BTLA: variants seen among roughly 807,000 people sequenced by gnomAD.
The protein encoded by BTLA is B and T lymphocyte associated.
BTLA carries 11 observed loss-of-function variants against 25.0 expected under a neutral mutation model. The ratio of observed to expected loss-of-function variants is 0.44; its 90% CI spans 0.28 to 0.73. The LOEUF is 0.73. Ranked by LOEUF, BTLA falls within the 30% of genes least tolerant of loss-of-function variation. The pLI, the probability that BTLA is intolerant of heterozygous loss-of-function variation, is 0.15. For missense variants in BTLA, 282 were observed against 332.8 expected (o/e 0.85, Z 1.19); for synonymous variants, 104 against 119.8 (o/e 0.87, Z 0.86).
At chr3:112,481,346 T>C (rs1184685704) in intron 1 of BTLA, among the ~76,000 whole-genome samples, 3 of 152,358 alleles carry the variant, frequency 2.0e-5, no homozygotes, top group Admixed American at 2.0e-4. Context: ...TGGAGGAAGT[T>C]GTGTTCCACA....
intron 2 of BTLA, among the ~76,000 whole-genome samples, chr3:112,479,054 A>G (rs2107320254): frequency 6.6e-6 from 1 of 152,270 alleles, no homozygotes; most frequent in Middle Eastern, 3.4e-3. Context: ...ATTGTAATGA[A>G]CAAAAGTAAA....
chr3:112,469,016 T>C (rs2082245541), intron 4 of BTLA, among the ~76,000 whole-genome samples: 1 of 152,258 alleles, frequency 6.6e-6, no homozygotes, highest in African/African-American at 2.4e-5. Context: ...ATCAAGTTCC[T>C]TTGCAGTATC....
intron 1 of BTLA, among the ~76,000 whole-genome samples, chr3:112,485,760 C>T (rs1025253916): frequency 2.0e-5 from 3 of 152,130 alleles, no homozygotes; most frequent in African/African-American, 7.2e-5. Flanking sequence ...GCATTCATAT[C>T]TGATGACAGG....
At chr3:112,478,519 T>C (rs1576682396) in intron 2 of BTLA, among the ~76,000 whole-genome samples, 1 of 152,294 alleles carries the variant, frequency 6.6e-6, no homozygotes, top group East Asian at 1.9e-4. Flanking sequence ...GCTTTAATAG[T>C]TTTAAACAAA....
intron 1 of BTLA, among the ~76,000 whole-genome samples, chr3:112,493,614 G>A (rs1289470092): frequency 6.6e-6 from 1 of 152,068 alleles, no homozygotes; most frequent in African/African-American, 2.4e-5. Context: ...AAGCAATTCT[G>A]CCTCAGCCTC....
At position 112,464,062 on chromosome 3, in the gene BTLA, T is replaced by C; in HGVS notation, c.*2046A>G. On this transcript the variant is annotated 3_prime_UTR_variant, in exon 5 of 5. Transcript: ENST00000334529. ...ACCATTAAATTATCTACATATTCTTTTTCTCAAACCCTCTATAAACTAATG... is the reference window on the plus strand; with the variant it reads ...ACCATTAAATTATCTACATATTCTTCTTCTCAAACCCTCTATAAACTAATG... The C allele has an allele frequency of 2.5e-6, 1 of 397,570 alleles. No homozygotes were observed. The highest frequency in any genetic ancestry group is 4.4e-6 in the Non-Finnish European group (1 of 225,436). The allele number at this position is 397,570 out of a possible 1,614,324, so 24.6% of individuals were successfully genotyped here. A position where few individuals can be genotyped will look rare whatever the true frequency, so the allele number is the denominator to read the frequency against.
At chr3:112,483,971 A>G (rs747124420) in intron 1 of BTLA, among the ~76,000 whole-genome samples, 3 of 112,348 alleles carry the variant, frequency 2.7e-5, no homozygotes, top group Non-Finnish European at 4.7e-5. Flanking sequence ...CTGTCTCAAA[A>G]AAAAAAAAAA....
chr3:112,481,250 C>T (rs1332402094), intron 1 of BTLA, among the ~76,000 whole-genome samples: 3 of 152,198 alleles, frequency 2.0e-5, no homozygotes, highest in African/African-American at 7.2e-5. Context: ...AGTGGCAGTC[C>T]ACTCCCATGG....
intron 4 of BTLA, among the ~76,000 whole-genome samples, chr3:112,468,883 T>A (rs2082244702): frequency 6.6e-6 from 1 of 152,184 alleles, no homozygotes; most frequent in Admixed American, 6.5e-5. Context: ...TGGTGGGGAA[T>A]GTTGAATGCC....
chr3:112,471,067 A>G, intron 3 of BTLA, 145 bp downstream of exon 3: 1 of 1,153,194 alleles, frequency 8.7e-7, no homozygotes, highest in Non-Finnish European at 1.2e-6. Flanking sequence ...TAGCGCAAAT[A>G]TGAGTTGTCT....
rs2082228040 is a variant in BTLA at position 112,466,464 on chromosome 3, G to T, written c.595-81C>A. ...TTCATTAGCAAACTATGAATGAAAA[G>T]CTTAAATGGAGTCATGTCCATTGTG... On this transcript the variant is annotated intron_variant, in intron 4 of 4. Coordinates refer to ENST00000334529, the MANE Select transcript of BTLA (RefSeq NM_181780.4). 15 of 1,304,448 alleles carry T rather than the reference G, an allele frequency of 1.1e-5. No individual in the cohort carries two copies. The South Asian group carries it at 2.4e-4, about 21-fold the overall frequency. 80.8% of individuals were successfully genotyped at this position (1,304,448 alleles called of 1,614,324 possible). A position where few individuals can be genotyped will look rare whatever the true frequency, so the allele number is the denominator to read the frequency against.
chr3:112,490,397 G>A (rs1462592786), intron 1 of BTLA, among the ~76,000 whole-genome samples: 3 of 152,152 alleles, frequency 2.0e-5, no homozygotes, highest in Non-Finnish European at 2.9e-5. Flanking sequence ...CACGAGTACA[G>A]TGAAAACTGA....
At chr3:112,469,736 T>G in intron 4 of BTLA, 22 bp downstream of exon 4, 2 of 1,603,252 alleles carry the variant, frequency 1.2e-6, no homozygotes, top group South Asian at 2.2e-5. Flanking sequence ...TGCATTTGTT[T>G]CAACAGCTAC....
In BTLA at chr3:112,483,727, G is replaced by A. The variant is rs193205221; in HGVS notation, c.89-3958C>T. On this transcript the variant is annotated intron_variant, in intron 1 of 4. Coordinates refer to ENST00000334529, the MANE Select transcript of BTLA (RefSeq NM_181780.4). ...TCACGCCTGTAATCCCAGCACTTTG[G>A]GAGGCCGAGGGAGGTGGATCACCTG... 1.5e-3 allele frequency among the ~76,000 whole-genome samples: 223 copies of A among 151,990 alleles called. 2 individuals carry two copies. The South Asian group carries it at 0.024, about 16-fold the overall frequency.
chr3:112,471,383 G>C, intron 2 of BTLA, 28 bp from the exon 3 acceptor site: 1 of 1,609,804 alleles, frequency 6.2e-7, no homozygotes, highest in Non-Finnish European at 8.5e-7. Flanking sequence ...GCTAAAGAGA[G>C]TTAGGAAATC....
intron 1 of BTLA, among the ~76,000 whole-genome samples, chr3:112,494,556 G>A (rs1017771566): frequency 1.4e-4 from 21 of 152,142 alleles, no homozygotes; most frequent in African/African-American, 3.4e-4. Flanking sequence ...CATATACACC[G>A]TGGAATACTA....
At chr3:112,494,288 A>G (rs1407915170) in intron 1 of BTLA, among the ~76,000 whole-genome samples, 1 of 152,146 alleles carries the variant, frequency 6.6e-6, no homozygotes, top group African/African-American at 2.4e-5. Context: ...GAGAATTAGG[A>G]ATGCTTTTAC....
chr3:112,473,692 G>T (rs1450962735), intron 2 of BTLA, among the ~76,000 whole-genome samples: 2 of 139,064 alleles, frequency 1.4e-5, no homozygotes, highest in African/African-American at 5.6e-5. Context: ...TCGGTTCACT[G>T]CAGCCTCCAC....
At chr3:112,493,819 A>G (rs1351249162) in intron 1 of BTLA, among the ~76,000 whole-genome samples, 1 of 152,164 alleles carries the variant, frequency 6.6e-6, no homozygotes, top group African/African-American at 2.4e-5. Flanking sequence ...ACACTTCTCA[A>G]AAGAAGACAC....
Sources: gnomAD v4.1 joint callset for allele counts (sites outside exome capture counted in the v4.1 genomes callset) on GRCh38, gnomAD v4.1.1 for gene constraint, MANE v1.5 for transcripts, NCBI Gene and HGNC (gene_info 2026-07-23, HGNC 2026-07-21) for gene names.